The following CAPN8 variants were observed in gnomAD, a reference collection of about 807,000 sequenced individuals.
CAPN8 encodes calpain-8.
CAPN8 carries 87 observed loss-of-function variants against 80.9 expected under a neutral mutation model. The observed-to-expected ratio is 1.07, with a 90% CI of 0.90 to 1.28. CAPN8 has a LOEUF of 1.28. Among genes scored for constraint, CAPN8 ranks in the 50% most tolerant of loss-of-function variants. The pLI, the probability that CAPN8 is intolerant of heterozygous loss-of-function variation, is 0.00. For synonymous variants in CAPN8, 299 were observed against 273.8 expected, an observed-to-expected ratio of 1.09 and a Z score of -0.91; for missense variants, 757 against 702.0, an observed-to-expected ratio of 1.08 and a Z score of -0.89.
At chr1:223,548,233 TAAAG>T (rs1436742175) in intron 16 of CAPN8, among the ~76,000 whole-genome samples, 2 of 142,484 alleles carry the variant, frequency 1.4e-5, no homozygotes, top group African/African-American at 5.2e-5. Context: ...CTCCAATTTT[TAAAG>T]AAATCACCTT....
chr1:223,612,658 AG>A (rs1409103211), intron 10 of CAPN8, among the ~76,000 whole-genome samples: 1 of 152,116 alleles, frequency 6.6e-6, no homozygotes, highest in Non-Finnish European at 1.5e-5. Flanking sequence ...ACTCAACCTG[AG>A]CCATAGTTTA....
rs1486882467 is a variant in CAPN8, at chr1:223,544,082, G to C, written c.2014C>G (p.Leu672Val). The change falls in exon 19 of 21, where the codon CTG becomes GTG. Residue 672 changes from leucine (L) to valine (V), a missense_variant. Coordinates refer to ENST00000366872, the MANE Select transcript of CAPN8 (RefSeq NM_001143962.2). ...AGTGACTCACTGAAGAGGGTCTCCA[G>C]GCGGATCATACAAGCCACGAAGCTG... ...FDSFVACMIRLETLFKLFSLL... is the reference protein window; with the variant it reads ...FDSFVACMIRVETLFKLFSLL... The C allele has an allele frequency of 2.8e-6, 2 of 718,048 alleles. No individual in the cohort carries two copies. Among genetic ancestry groups the C allele is most frequent in the Admixed American group, 4.0e-5 (2 of 50,004 alleles). 44.5% of individuals were successfully genotyped at this position (718,048 alleles called of 1,614,324 possible). A position where few individuals can be genotyped will look rare whatever the true frequency, so the allele number is the denominator to read the frequency against.
chr1:223,633,273 T>C (rs1354008075), intron 2 of CAPN8, among the ~76,000 whole-genome samples: 1 of 151,950 alleles, frequency 6.6e-6, no homozygotes, highest in African/African-American at 2.4e-5. Flanking sequence ...AAAATAAAGT[T>C]GGGAATAGCC....
At chr1:223,654,233 C>A in intron 2 of CAPN8, 97 bp downstream of exon 2, 1 of 1,046,244 alleles carries the variant, frequency 9.6e-7, no homozygotes, top group South Asian at 1.5e-5. Context: ...GTACCTAATT[C>A]ACTCGGTGAA....
intron 10 of CAPN8, 102 bp downstream of exon 10, chr1:223,615,868 G>C (rs1288824856): frequency 7.1e-7 from 1 of 1,416,836 alleles, no homozygotes; most frequent in Non-Finnish European, 9.7e-7. Context: ...TCTCGATTAG[G>C]AATACTCCAG....
chr1:223,663,709 C>A (rs1344297906), intron 1 of CAPN8, among the ~76,000 whole-genome samples: 1 of 152,120 alleles, frequency 6.6e-6, no homozygotes, highest in East Asian at 1.9e-4. Context: ...CCAGGGTAAC[C>A]CTATAGGTTT....
chr1:223,625,009 C>T (rs920056895), intron 6 of CAPN8, among the ~76,000 whole-genome samples: 3 of 152,080 alleles, frequency 2.0e-5, no homozygotes, highest in South Asian at 2.1e-4. Context: ...AGGAGAATGG[C>T]GTGAACCCGA....
intron 20 of CAPN8, 54 bp downstream of exon 20, chr1:223,543,054 C>A: frequency 6.5e-7 from 1 of 1,547,268 alleles, no homozygotes; most frequent in Non-Finnish European, 8.7e-7. Flanking sequence ...CTACATGGTC[C>A]AAGAATTTCA....
chr1:223,624,106 C>T (rs1015511445), intron 6 of CAPN8, among the ~76,000 whole-genome samples: 2 of 152,130 alleles, frequency 1.3e-5, no homozygotes, highest in Admixed American at 6.5e-5. Context: ...GAGACAGGGC[C>T]TCTCTCTGCC....
At chr1:223,549,283 A>G (rs1387300868) in intron 16 of CAPN8, 35 bp downstream of exon 16, 1 of 111,440 alleles carries the variant, frequency 9.0e-6, no homozygotes, top group South Asian at 2.6e-4. Context: ...GGACGAAAGT[A>G]AAAAAAAAAA....
chr1:223,615,435 G>T (rs1387650983), intron 10 of CAPN8, among the ~76,000 whole-genome samples: 1 of 152,212 alleles, frequency 6.6e-6, no homozygotes, highest in African/African-American at 2.4e-5. Context: ...ACTGCAGCGT[G>T]AGCCCAGAGA....
At chr1:223,654,287 C>T (rs1363620594) in intron 2 of CAPN8, 43 bp downstream of exon 2, 3 of 1,516,742 alleles carry the variant, frequency 2.0e-6, no homozygotes, top group Non-Finnish European at 2.7e-6. Flanking sequence ...ACATACACAC[C>T]CGCCCTCTCC....
intron 2 of CAPN8, among the ~76,000 whole-genome samples, chr1:223,629,197 A>T (rs956903194): frequency 1.8e-4 from 17 of 95,238 alleles, no homozygotes; most frequent in African/African-American, 5.8e-4. Flanking sequence ...TACGTGTAAG[A>T]GTGTGTGTGT....
At chr1:223,635,557 C>G (rs1657894624) in intron 2 of CAPN8, among the ~76,000 whole-genome samples, 1 of 152,130 alleles carries the variant, frequency 6.6e-6, no homozygotes, top group Non-Finnish European at 1.5e-5. Context: ...TTCTTACTGA[C>G]TGAATTCACC....
In CAPN8 at chr1:223,665,660, G is replaced by A. The variant is rs1387902034; in HGVS notation, c.-14C>T. ...CTGGGCTGCCATGGCCGTGGGCTCT[G>A]TAGGGTGGACAGAAGGGCAGGGCTG... On this transcript the variant is annotated 5_prime_UTR_variant, in exon 1 of 21. Coordinates refer to ENST00000366872, the MANE Select transcript of CAPN8 (RefSeq NM_001143962.2). 6.5e-7 allele frequency: 1 copy of A among 1,548,200 alleles called. No homozygotes were observed. Among genetic ancestry groups the A allele is most frequent in the East Asian group, 2.4e-5 (1 of 40,914 alleles).
chr1:223,550,971 G>A lies in CAPN8; in HGVS notation c.1688C>T (p.Ala563Val), dbSNP rs1469115341. The A allele has an allele frequency of 8.4e-6, 6 of 718,056 alleles. No individual in the cohort carries two copies. Among genetic ancestry groups the A allele is most frequent in the South Asian group, 3.0e-5 (2 of 67,562 alleles). 44.5% of individuals were successfully genotyped at this position (718,056 alleles called of 1,614,324 possible). The change falls in exon 15 of 21, where the codon GCG becomes GTG. Residue 563 changes from alanine to valine, a missense_variant. By Grantham distance (64) the Ala-to-Val change is moderately conservative. Transcript: ENST00000366872. ...AAGAAGGAACTTACTCTTGGAAAAC[G>A]CCTCATTCAAAAGTATCTTGAGTGC... ...ANALKILLNE[A>V]FSKRTDIKFD...
At chr1:223,556,473 T>C (rs1656908451) in intron 13 of CAPN8, among the ~76,000 whole-genome samples, 1 of 152,178 alleles carries the variant, frequency 6.6e-6, no homozygotes, top group East Asian at 1.9e-4. Flanking sequence ...GGCTGGACCA[T>C]TGGCCTGAGG....
In CAPN8 at chr1:223,555,570, T is replaced by C. The variant is rs902528057; in HGVS notation, c.1573-1670A>G. ...AGGGAAAACAACATTATATCATTCA[T>C]GTAATACAGTATGCCAAAATCTTGG... On this transcript the variant is annotated intron_variant, in intron 13 of 20. Transcript: ENST00000366872. Among the ~76,000 whole-genome samples, 667 of 152,340 alleles carry C rather than the reference T, an allele frequency of 4.4e-3. 5 individuals carry two copies. Among genetic ancestry groups the C allele is most frequent in the African/African-American group, 0.015 (644 of 41,584 alleles).
At chr1:223,661,555 G>A (rs1392512094) in intron 1 of CAPN8, among the ~76,000 whole-genome samples, 5 of 152,114 alleles carry the variant, frequency 3.3e-5, no homozygotes, top group South Asian at 2.1e-4. Context: ...ACTTGAACCC[G>A]AGGGGCAGAG....
Sources: allele counts gnomAD v4.1 joint callset (sites outside exome capture counted in the v4.1 genomes callset), GRCh38; gene constraint gnomAD v4.1.1; transcripts MANE v1.5; gene names NCBI Gene and HGNC (gene_info 2026-07-23, HGNC 2026-07-21).